Variants in PTPRO observed in about 807,000 individuals in gnomAD.
The protein encoded by PTPRO is protein tyrosine phosphatase receptor type O, also known as receptor-type tyrosine-protein phosphatase O.
In PTPRO, 62 loss-of-function variants were observed where a neutral mutation model predicts 145.2. The observed-to-expected ratio is 0.43, with a 90% confidence interval of 0.35 to 0.53. The LOEUF (loss-of-function observed/expected upper bound fraction) is 0.53, where lower values mean the gene tolerates loss of function less well. Among genes scored for constraint, PTPRO ranks in the 20% least tolerant of loss-of-function variants. The pLI, the probability that PTPRO is intolerant of heterozygous loss-of-function variation, is 0.01. For missense variants in PTPRO, 1,345 were observed against 1,482.7 expected, an observed-to-expected ratio of 0.91 and a Z score of 1.53; for synonymous variants, 565 against 514.7, an observed-to-expected ratio of 1.10 and a Z score of -1.32.
At chr12:15,514,141 G>A (rs1036082492) in intron 7 of PTPRO, among the ~76,000 whole-genome samples, 4 of 152,058 alleles carry the variant, frequency 2.6e-5, no homozygotes, top group Non-Finnish European at 5.9e-5. Flanking sequence ...TATTTGTTAC[G>A]TATCCAAATT....
In PTPRO at chr12:15,526,829, G is replaced by T. The variant is rs548801968; in HGVS notation, c.2164+567G>T. 2.6e-5 allele frequency among the ~76,000 whole-genome samples: 4 copies of T among 151,884 alleles called. No homozygotes were observed. In the South Asian group the frequency reaches 8.3e-4, roughly 31 times the overall value. On this transcript the variant is annotated intron_variant, in intron 12 of 26. Coordinates refer to ENST00000281171, the MANE Select transcript of PTPRO (RefSeq NM_030667.3). ...ATATAATTAAAATGAATAAGTTGGG[G>T]TTTATAAGAAATAAAAAGATCATTA...
At chr12:15,548,248 T>C (rs1256020327) in intron 13 of PTPRO, among the ~76,000 whole-genome samples, 1 of 152,068 alleles carries the variant, frequency 6.6e-6, no homozygotes, top group African/African-American at 2.4e-5. Flanking sequence ...TTTTCACTAG[T>C]AATAATGGGA....
chr12:15,489,981 A>T (rs1280857696), intron 2 of PTPRO, among the ~76,000 whole-genome samples: 1 of 152,234 alleles, frequency 6.6e-6, no homozygotes, highest in East Asian at 1.9e-4. Flanking sequence ...GAAAGTTAAG[A>T]TGGCAAGTGT....
intron 13 of PTPRO, among the ~76,000 whole-genome samples, chr12:15,547,272 G>A (rs1943318994): frequency 6.6e-6 from 1 of 152,106 alleles, no homozygotes; most frequent in African/African-American, 2.4e-5. Context: ...TAAAGCTCTA[G>A]AATTACAAAT....
At chr12:15,579,723 A>G (rs1230137194) in intron 20 of PTPRO, among the ~76,000 whole-genome samples, 2 of 152,176 alleles carry the variant, frequency 1.3e-5, no homozygotes, top group East Asian at 1.9e-4. Flanking sequence ...TGCTTAGGCT[A>G]TATACTATAG....
chr12:15,518,711 G>T (rs1373856745), intron 9 of PTPRO, among the ~76,000 whole-genome samples: 2 of 152,082 alleles, frequency 1.3e-5, no homozygotes, highest in Non-Finnish European at 2.9e-5. Flanking sequence ...AATCCCTAAG[G>T]GAGGCACAAA....
intron 1 of PTPRO, among the ~76,000 whole-genome samples, chr12:15,343,688 A>G (rs1867088604): frequency 6.6e-6 from 1 of 152,144 alleles, no homozygotes; most frequent in African/African-American, 2.4e-5. Context: ...CCCTGTCTCA[A>G]AAATAAATAT....
intron 1 of PTPRO, among the ~76,000 whole-genome samples, chr12:15,328,128 A>G (rs1200959211): frequency 6.6e-6 from 1 of 151,750 alleles, no homozygotes; most frequent in African/African-American, 2.4e-5. Flanking sequence ...AAAAAAAAAA[A>G]GTATATGTGA....
intron 1 of PTPRO, among the ~76,000 whole-genome samples, chr12:15,478,732 C>A (rs1316077552): frequency 6.6e-6 from 1 of 151,962 alleles, no homozygotes; most frequent in African/African-American, 2.4e-5. Context: ...AGTGCAGTGG[C>A]GCGATATCGG....
In PTPRO at chr12:15,598,055, T is replaced by C. The variant is rs537691093; in HGVS notation, c.*1982T>C. Among the ~76,000 whole-genome samples, 6 of 152,280 alleles carry C rather than the reference T, an allele frequency of 3.9e-5. No individual in the cohort carries two copies. Among genetic ancestry groups the C allele is most frequent in the Non-Finnish European group, 8.8e-5 (6 of 68,030 alleles). ...CCCATGAAACAAAGCACTTCATAAA[T>C]ATTTTATGTTTTTCTTGAGCACCCT... On this transcript the variant is annotated 3_prime_UTR_variant, in exon 27 of 27. Coordinates refer to ENST00000281171, the MANE Select transcript of PTPRO (RefSeq NM_030667.3).
intron 1 of PTPRO, among the ~76,000 whole-genome samples, chr12:15,353,170 C>G (rs1937866808): frequency 6.6e-6 from 1 of 152,144 alleles, no homozygotes; most frequent in African/African-American, 2.4e-5. Context: ...AGAAGTCCCC[C>G]TTACCACACA....
In PTPRO at chr12:15,557,319, C is replaced by T. The variant is rs1003175412; in HGVS notation, c.2559-136C>T. ...TACTGGGATTACAGGCGTGAGCCAC[C>T]GCACCTGGCCTAGCTTCTTCTTTTT... is the stretch of plus-strand genomic sequence containing the variant. On this transcript the variant is annotated intron_variant, in intron 15 of 26. Coordinates refer to ENST00000281171, the MANE Select transcript of PTPRO (RefSeq NM_030667.3). The T allele has an allele frequency of 2.3e-5, 19 of 816,910 alleles. No individual in the cohort carries two copies. The African/African-American group carries it at 2.6e-4, about 11-fold the overall frequency. 50.6% of individuals were successfully genotyped at this position (816,910 alleles called of 1,614,324 possible).
chr12:15,430,839 C>T (rs564106844), intron 1 of PTPRO, among the ~76,000 whole-genome samples: 1 of 152,040 alleles, frequency 6.6e-6, no homozygotes, highest in East Asian at 1.9e-4. Flanking sequence ...TAAATATATA[C>T]AATTTTGTCA....
intron 1 of PTPRO, among the ~76,000 whole-genome samples, chr12:15,434,128 C>G (rs1292418096): frequency 6.6e-6 from 1 of 152,028 alleles, no homozygotes; most frequent in Non-Finnish European, 1.5e-5. Flanking sequence ...AGTAAAATGC[C>G]CTTTGCAGAG....
chr12:15,565,346 G>A lies in PTPRO; in HGVS notation c.2712-247G>A, dbSNP rs1943870437. 3 of 328,872 alleles carry A rather than the reference G, an allele frequency of 9.1e-6. No individual in the cohort carries two copies. The East Asian group carries it at 1.8e-4, about 20-fold the overall frequency. 20.4% of individuals were successfully genotyped at this position (328,872 alleles called of 1,614,324 possible). ...TTAGAAATTTCATTTCTAGAACTCA[G>A]TTTTTGGCAAATGGGAAGTATAAAG... is the stretch of plus-strand genomic sequence containing the variant. On this transcript the variant is annotated intron_variant, in intron 17 of 26. Coordinates refer to ENST00000281171, the MANE Select transcript of PTPRO (RefSeq NM_030667.3).
Position 15,497,476 on chromosome 12 carries a change from C to T in PTPRO, c.508+73C>T, listed in dbSNP as rs376998542. 6.0e-4 allele frequency: 873 copies of T among 1,459,348 alleles called. 12 individuals are homozygous for T. In the South Asian group the frequency reaches 9.1e-3, roughly 15 times the overall value. The allele number at this position is 1,459,348 out of a possible 1,614,324, so 90.4% of individuals were successfully genotyped here. On this transcript the variant is annotated intron_variant, in intron 3 of 26. Transcript: ENST00000281171. ...CAAAGCTTTTCCCAAATGATGTTCTCTCTTACTGCAAAGAGGTTTTATAAT... is the reference window on the plus strand; with the variant it reads ...CAAAGCTTTTCCCAAATGATGTTCTTTCTTACTGCAAAGAGGTTTTATAAT...
chr12:15,547,815 G>A (rs1434702677), intron 13 of PTPRO, among the ~76,000 whole-genome samples: 3 of 152,118 alleles, frequency 2.0e-5, no homozygotes, highest in African/African-American at 7.2e-5. Flanking sequence ...ATAGAATAGT[G>A]AAAGAGAAGG....
chr12:15,358,381 G>A (rs917302808), intron 1 of PTPRO, among the ~76,000 whole-genome samples: 9 of 151,832 alleles, frequency 5.9e-5, no homozygotes, highest in Non-Finnish European at 1.2e-4. Context: ...CTTAAAGTAT[G>A]ATAATAATAA....
intron 6 of PTPRO, among the ~76,000 whole-genome samples, chr12:15,507,554 C>T (rs1313002266): frequency 1.3e-5 from 2 of 152,196 alleles, no homozygotes; most frequent in Non-Finnish European, 2.9e-5. Flanking sequence ...GTGTTTTAAG[C>T]TCAACCACTA....
Sources: allele counts gnomAD v4.1 joint callset (sites outside exome capture counted in the v4.1 genomes callset), GRCh38; gene constraint gnomAD v4.1.1; transcripts MANE v1.5; gene names NCBI Gene and HGNC (gene_info 2026-07-23, HGNC 2026-07-21).